ADAMTS3: variants seen among roughly 807,000 people sequenced by gnomAD.
ADAMTS3 encodes the protein A disintegrin and metalloproteinase with thrombospondin motifs 3.
Under a neutral mutation model 129.0 loss-of-function variants are expected in ADAMTS3, and 73 were observed. That is an observed-to-expected ratio of 0.57 (90% CI 0.47 to 0.69). The LOEUF is 0.69. ADAMTS3 is among the 30% of genes least tolerant of loss of function. The pLI, the probability that ADAMTS3 is intolerant of heterozygous loss-of-function variation, is 0.00. For missense variants in ADAMTS3, 1,457 were observed against 1,514.5 expected, an observed-to-expected ratio of 0.96 and a Z score of 0.63; for synonymous variants, 477 against 510.8, an observed-to-expected ratio of 0.93 and a Z score of 0.89.
intron 3 of ADAMTS3, among the ~76,000 whole-genome samples, chr4:72,450,969 A>AAGAAGAGAAG (rs67162859): frequency 0.17 from 23,271 of 139,880 alleles, 2,313 homozygotes; most frequent in Middle Eastern, 0.26. Context: ...GGCAGGCAAA[A>AAGAAGAGAAG]AGAAGAGAAG....
intron 4 of ADAMTS3, among the ~76,000 whole-genome samples, chr4:72,346,556 G>C (rs1366081753): frequency 1.3e-5 from 2 of 152,020 alleles, no homozygotes; most frequent in African/African-American, 4.8e-5. Flanking sequence ...CATTTAATTT[G>C]ATTTCATTTC....
intron 4 of ADAMTS3, among the ~76,000 whole-genome samples, chr4:72,380,468 G>A (rs1323525568): frequency 6.6e-6 from 1 of 152,032 alleles, no homozygotes; most frequent in East Asian, 1.9e-4. Context: ...AATTAATAAG[G>A]CAGTAATGAT....
chr4:72,314,818 C>T (rs1719347391), intron 11 of ADAMTS3, among the ~76,000 whole-genome samples: 1 of 151,882 alleles, frequency 6.6e-6, no homozygotes. Flanking sequence ...GCATATAATC[C>T]CTGTCACAAG....
At chr4:72,311,510 T>C (rs891448922) in intron 13 of ADAMTS3, among the ~76,000 whole-genome samples, 6 of 152,178 alleles carry the variant, frequency 3.9e-5, no homozygotes, top group African/African-American at 1.2e-4. Flanking sequence ...AAAACCAGTT[T>C]AGTTTTCGTA....
At chr4:72,525,006 T>G (rs2109748287) in intron 3 of ADAMTS3, among the ~76,000 whole-genome samples, 1 of 152,320 alleles carries the variant, frequency 6.6e-6, no homozygotes, top group East Asian at 1.9e-4. Flanking sequence ...TAGAAATGTG[T>G]GACACTGATT....
At chr4:72,538,960 C>T (rs1721248878) in intron 3 of ADAMTS3, among the ~76,000 whole-genome samples, 1 of 152,074 alleles carries the variant, frequency 6.6e-6, no homozygotes, top group Non-Finnish European at 1.5e-5. Context: ...TTGATATCCA[C>T]ATGCCCAAAG....
At chr4:72,476,468 T>C (rs1267826636) in intron 3 of ADAMTS3, among the ~76,000 whole-genome samples, 2 of 152,082 alleles carry the variant, frequency 1.3e-5, no homozygotes, top group African/African-American at 2.4e-5. Context: ...TAATTAAATG[T>C]ACAACTTAAA....
At position 72,313,678 on chromosome 4, in the gene ADAMTS3, T is replaced by A. The variant is rs1437999594; in HGVS notation, c.1744A>T (p.Met582Leu). ...CAAGAGTTACAAGGATATACTCACATGGGATTATTGCACTGGCGTGTTCTG... is the reference window on the plus strand; with the variant it reads ...CAAGAGTTACAAGGATATACTCACAAGGGATTATTGCACTGGCGTGTTCTG... ...RFRTRQCNNP[M>L]PINGGQDCPG... is the part of the protein sequence containing the mutation. The change falls in exon 12 of 22, where the codon ATG (methionine) becomes TTG (leucine). Residue 582 changes from methionine (M) to leucine (L), a missense_variant and splice_region_variant. By Grantham distance (15) the Met-to-Leu change is conservative. Coordinates refer to ENST00000286657, the MANE Select transcript of ADAMTS3 (RefSeq NM_014243.3). 4 of 1,613,482 alleles carry A rather than the reference T, an allele frequency of 2.5e-6. No individual in the cohort carries two copies. Among genetic ancestry groups the A allele is most frequent in the Non-Finnish European group, 1.7e-6 (2 of 1,179,690 alleles).
At chr4:72,529,209 C>T (rs1273400631) in intron 3 of ADAMTS3, among the ~76,000 whole-genome samples, 1 of 152,114 alleles carries the variant, frequency 6.6e-6, no homozygotes, top group African/African-American at 2.4e-5. Flanking sequence ...GCCAGAATGG[C>T]CGAATACAGT....
intron 20 of ADAMTS3, among the ~76,000 whole-genome samples, chr4:72,289,316 C>A (rs1718598089): frequency 6.6e-6 from 1 of 152,116 alleles, no homozygotes; most frequent in South Asian, 2.1e-4. Context: ...TTCTCAGGGA[C>A]CCAATCATAG....
At chr4:72,515,648 C>T (rs1438487961) in intron 3 of ADAMTS3, among the ~76,000 whole-genome samples, 1 of 151,694 alleles carries the variant, frequency 6.6e-6, no homozygotes, top group Non-Finnish European at 1.5e-5. Flanking sequence ...TGAGAAGTGT[C>T]TGTTCATGTC....
intron 3 of ADAMTS3, among the ~76,000 whole-genome samples, chr4:72,476,260 G>C (rs560726463): frequency 6.6e-6 from 1 of 152,056 alleles, no homozygotes; most frequent in Admixed American, 6.5e-5. Flanking sequence ...GGAGGCATGA[G>C]TTGTCAATAT....
intron 4 of ADAMTS3, among the ~76,000 whole-genome samples, chr4:72,398,282 C>T (rs991891650): frequency 7.9e-5 from 12 of 152,168 alleles, no homozygotes; most frequent in East Asian, 5.8e-4. Flanking sequence ...ATCTGCCAGG[C>T]GTGGTGGCTC....
chr4:72,468,824 C>A lies in ADAMTS3; in HGVS notation c.505-53853G>T, dbSNP rs568848660. On this transcript the variant is annotated intron_variant, in intron 3 of 21. Transcript: ENST00000286657. ...TGGTTCACAGCTTATCTTGCCAGTG[C>A]ATATCACATGGTCCCTCTCTTCAAC... 7.2e-5 allele frequency among the ~76,000 whole-genome samples: 11 copies of A among 151,874 alleles called. No individual in the cohort carries two copies. In the South Asian group the frequency reaches 1.5e-3, roughly 20 times the overall value.
chr4:72,415,897 T>C, intron 3 of ADAMTS3, among the ~76,000 whole-genome samples: 1 of 151,920 alleles, frequency 6.6e-6, no homozygotes, highest in East Asian at 1.9e-4. Flanking sequence ...GCACATTTAT[T>C]TGAAAACAAA....
chr4:72,427,771 A>C (rs1722607177), intron 3 of ADAMTS3, among the ~76,000 whole-genome samples: 1 of 152,046 alleles, frequency 6.6e-6, no homozygotes, highest in South Asian at 2.1e-4. Context: ...TGAACTTCTG[A>C]GGAGTTCTTC....
At chr4:72,385,148 C>CCA in intron 4 of ADAMTS3, among the ~76,000 whole-genome samples, 1 of 151,816 alleles carries the variant, frequency 6.6e-6, no homozygotes, top group South Asian at 2.1e-4. Flanking sequence ...CCACTGCACT[C>CCA]CAGCCTGGGT....
At chr4:72,427,441 A>G (rs560341922) in intron 3 of ADAMTS3, among the ~76,000 whole-genome samples, 118 of 152,148 alleles carry the variant, frequency 7.8e-4, no homozygotes, top group Non-Finnish European at 1.4e-3. Flanking sequence ...TATTCAGCTG[A>G]TTATGTTGGA....
At chr4:72,390,996 T>C (rs745407113) in intron 4 of ADAMTS3, among the ~76,000 whole-genome samples, 39 of 151,986 alleles carry the variant, frequency 2.6e-4, no homozygotes, top group Non-Finnish European at 4.4e-5. Context: ...CAACCCTAGA[T>C]AATTGTACTG....
Sources: gnomAD v4.1 joint callset for allele counts (sites outside exome capture counted in the v4.1 genomes callset) on GRCh38, gnomAD v4.1.1 for gene constraint, MANE v1.5 for transcripts, NCBI Gene and HGNC (gene_info 2026-07-23, HGNC 2026-07-21) for gene names.